The following BLNK variants were observed in gnomAD, a reference collection of about 807,000 sequenced individuals.
The protein encoded by BLNK is B cell linker, also known as B-cell linker protein.
In BLNK, 29 loss-of-function variants were observed where a neutral mutation model predicts 73.5. The ratio of observed to expected loss-of-function variants is 0.39; its 90% confidence interval spans 0.29 to 0.54. The LOEUF (loss-of-function observed/expected upper bound fraction) is 0.54, where lower values mean the gene tolerates loss of function less well. Among genes scored for constraint, BLNK ranks in the 20% least tolerant of loss-of-function variants. The probability of loss-of-function intolerance (pLI) is 0.61; values close to 1 mark genes in which losing one functional copy is unlikely to be tolerated. For synonymous variants in BLNK, 176 were observed against 200.8 expected (o/e 0.88, Z 1.04); for missense variants, 460 against 562.8 (o/e 0.82, Z 1.85).
rs3841593 is a variant in BLNK at position 96,227,140 on chromosome 10, GTTGTTTGT to G, written c.361+262_361+269del. ...ACAACCATCAGGGTATGCTGGGTTT[GTTGTTTGT>G]TTGTTTGTTTGTTTGTTTGTTTATG... On this transcript the variant is annotated intron_variant, in intron 5 of 16. Coordinates refer to ENST00000224337, the MANE Select transcript of BLNK (RefSeq NM_013314.4). 5.8e-4 allele frequency among the ~76,000 whole-genome samples: 88 copies of G among 151,210 alleles called. 1 individual carries two copies. The highest frequency in any genetic ancestry group is 1.3e-3 in the African/African-American group (54 of 41,158).
Position 96,247,062 on chromosome 10 carries a change from A to G in BLNK, c.48-13T>C, listed in dbSNP as rs782719412. On this transcript the variant is annotated splice_polypyrimidine_tract_variant and intron_variant, in intron 1 of 16. Coordinates refer to ENST00000224337, the MANE Select transcript of BLNK (RefSeq NM_013314.4). Reference sequence around the variant, plus strand: ...CTTTTGAAGCTGCCTGTAAAAAACAAAATTAAACATAAGATATTAATAACC... The same window carrying G: ...CTTTTGAAGCTGCCTGTAAAAAACAGAATTAAACATAAGATATTAATAACC... 1.9e-6 allele frequency: 3 copies of G among 1,575,084 alleles called. No individual in the cohort carries two copies. The highest frequency in any genetic ancestry group is 4.5e-5 in the East Asian group (2 of 44,572).
Position 96,189,697 on chromosome 10 carries a change from A to G in BLNK, c.*2276T>C. The stretch of plus-strand genomic sequence containing the variant: ...TTTTTCTTCAGTTTCCTCATCATCA[A>G]AATCATCATCATCATCATCATCATC... On this transcript the variant is annotated 3_prime_UTR_variant, in exon 17 of 17. Coordinates refer to ENST00000224337, the MANE Select transcript of BLNK (RefSeq NM_013314.4). The G allele has an allele frequency of 1.6e-6, 1 of 630,706 alleles. No individual in the cohort carries two copies. The highest frequency in any genetic ancestry group is 1.5e-5 in the South Asian group (1 of 67,888). The allele number at this position is 630,706 out of a possible 1,614,324, so 39.1% of individuals were successfully genotyped here.
At position 96,192,100 on chromosome 10, in the gene BLNK, A is replaced by T. The variant is rs782806042; in HGVS notation, c.1252-8T>A. ...AGCAACACTTCCAAAGTACTAGAGGAAGAAAACATAGATGAATTATACTTT... is the reference window on the plus strand; with the variant it reads ...AGCAACACTTCCAAAGTACTAGAGGTAGAAAACATAGATGAATTATACTTT... On this transcript the variant is annotated splice_polypyrimidine_tract_variant and splice_region_variant and intron_variant, in intron 16 of 16. Coordinates refer to ENST00000224337, the MANE Select transcript of BLNK (RefSeq NM_013314.4). 1.9e-6 allele frequency: 3 copies of T among 1,613,472 alleles called. No homozygotes were observed. In the South Asian group the frequency reaches 3.3e-5, roughly 18 times the overall value.
intron 2 of BLNK, among the ~76,000 whole-genome samples, chr10:96,245,831 TAC>T (rs1843024541): frequency 6.6e-6 from 1 of 152,210 alleles, no homozygotes; most frequent in South Asian, 2.1e-4. Flanking sequence ...TACATACTTA[TAC>T]ACACATACAT....
Position 96,204,096 on chromosome 10 carries a change from A to G in BLNK, c.903-8T>C. On this transcript the variant is annotated splice_polypyrimidine_tract_variant and splice_region_variant and intron_variant, in intron 12 of 16. Coordinates refer to ENST00000224337, the MANE Select transcript of BLNK (RefSeq NM_013314.4). Reference sequence around the variant, plus strand: ...GGTTTTTGGTGGATTTGTCTGCAAGAAAGAATTTCAGATAATTAAAGGACA... The same window carrying G: ...GGTTTTTGGTGGATTTGTCTGCAAGGAAGAATTTCAGATAATTAAAGGACA... 1 of 1,613,834 alleles carries G rather than the reference A, an allele frequency of 6.2e-7. No homozygotes were observed. Among genetic ancestry groups the G allele is most frequent in the Non-Finnish European group, 8.5e-7 (1 of 1,179,754 alleles).
intron 8 of BLNK, among the ~76,000 whole-genome samples, chr10:96,212,887 C>T (rs1377673586): frequency 6.6e-6 from 1 of 152,228 alleles, no homozygotes; most frequent in East Asian, 1.9e-4. Context: ...GAAACCCACT[C>T]GGACTGTTTA....
intron 8 of BLNK, among the ~76,000 whole-genome samples, chr10:96,212,871 C>T (rs979644692): frequency 1.1e-4 from 16 of 152,228 alleles, no homozygotes; most frequent in Non-Finnish European, 2.1e-4. Flanking sequence ...ACTGTTTGCA[C>T]ACTCGGAAAC....
chr10:96,216,826 G>T, intron 6 of BLNK, 92 bp from the exon 7 acceptor site: 2 of 1,055,716 alleles, frequency 1.9e-6, no homozygotes, highest in Non-Finnish European at 1.5e-6. Flanking sequence ...GCATTATTGA[G>T]ACGCAATTCA....
chr10:96,266,418 A>C (rs1010563281), intron 1 of BLNK, among the ~76,000 whole-genome samples: 4 of 152,256 alleles, frequency 2.6e-5, no homozygotes, highest in African/African-American at 2.4e-5. Context: ...TTCCTCGGAC[A>C]TGTGGACTCT....
intron 9 of BLNK, among the ~76,000 whole-genome samples, chr10:96,208,940 T>C (rs1432451217): frequency 2.6e-5 from 4 of 152,236 alleles, no homozygotes; most frequent in Non-Finnish European, 4.4e-5. Flanking sequence ...TTCTTTGGTT[T>C]ACACAGAGAC....
chr10:96,200,528 T>C lies in BLNK; in HGVS notation c.1012-370A>G, dbSNP rs1352776283. Among the ~76,000 whole-genome samples, 1 of 152,252 alleles carries C rather than the reference T, an allele frequency of 6.6e-6. No individual in the cohort carries two copies. Among genetic ancestry groups the C allele is most frequent in the Non-Finnish European group, 1.5e-5 (1 of 68,042 alleles). On this transcript the variant is annotated intron_variant, in intron 14 of 16. Transcript: ENST00000224337. The surrounding 1 kb of genome is among the most constrained non-coding windows in gnomAD (Gnocchi z 4.3). The stretch of plus-strand genomic sequence containing the variant: ...TTGCAAGAAAGGATATATGCCTTCT[T>C]TGAAGGCAAGAAGGACACATGCTAT...
chr10:96,200,029 TA>T lies in BLNK; in HGVS notation c.1095+45del. ...ACTGCATCATCTCAAAACAAATAAA[TA>T]AAATAAAATAAAATAAAAATAATAA... On this transcript the variant is annotated intron_variant, in intron 15 of 16. Transcript: ENST00000224337. The surrounding 1 kb of genome is among the most constrained non-coding windows in gnomAD (Gnocchi z 4.3). The T allele has an allele frequency of 2.4e-6, 3 of 1,261,066 alleles. No homozygotes were observed. The highest frequency in any genetic ancestry group is 2.1e-6 in the Non-Finnish European group (2 of 970,700). 78.1% of individuals were successfully genotyped at this position (1,261,066 alleles called of 1,614,324 possible).
chr10:96,217,073 C>T (rs782740081), intron 6 of BLNK, among the ~76,000 whole-genome samples: 5 of 152,206 alleles, frequency 3.3e-5, no homozygotes, highest in African/African-American at 4.8e-5. Flanking sequence ...ATCACACAAT[C>T]TGTAGTCTTT....
At chr10:96,217,727 C>T (rs2084101609) in intron 6 of BLNK, among the ~76,000 whole-genome samples, 1 of 152,122 alleles carries the variant, frequency 6.6e-6, no homozygotes. Context: ...ATACAATTTA[C>T]AAAACTTTTC....
intron 3 of BLNK, 60 bp downstream of exon 3, chr10:96,242,675 A>G: frequency 6.8e-7 from 1 of 1,465,978 alleles, no homozygotes; most frequent in South Asian, 1.1e-5. Flanking sequence ...ATAAGCCTAA[A>G]TGTAAATATG....
chr10:96,218,475 A>G (rs587634675), intron 6 of BLNK, among the ~76,000 whole-genome samples: 1 of 152,250 alleles, frequency 6.6e-6, no homozygotes, highest in South Asian at 2.1e-4. Flanking sequence ...TGGATAGATA[A>G]GAGTCCAGGA....
Position 96,189,799 on chromosome 10 carries a change from C to T in BLNK, c.*2174G>A, listed in dbSNP as rs2083300764. On this transcript the variant is annotated 3_prime_UTR_variant, in exon 17 of 17. Transcript: ENST00000224337. ...TGCTACCACCTCCAGGGACAGATCA[C>T]TTTCCAGATATCCTTAAGAGTTTCA... 2.0e-6 allele frequency: 2 copies of T among 1,023,314 alleles called. No homozygotes were observed. 63.4% of individuals were successfully genotyped at this position (1,023,314 alleles called of 1,614,324 possible).
chr10:96,215,430 T>C (rs782465114), intron 7 of BLNK, 41 bp from the exon 8 acceptor site: 47 of 1,247,248 alleles, frequency 3.8e-5, no homozygotes, highest in Non-Finnish European at 4.5e-5. Context: ...TATATATATA[T>C]ACATAAAACC....
intron 11 of BLNK, among the ~76,000 whole-genome samples, chr10:96,206,696 C>T (rs1347520368): frequency 6.6e-6 from 1 of 152,106 alleles, no homozygotes; most frequent in East Asian, 1.9e-4. Context: ...TTTAAGTAAG[C>T]TATTAGTTCT....
Sources: gnomAD v4.1 joint callset for allele counts (sites outside exome capture counted in the v4.1 genomes callset) on GRCh38, gnomAD v4.1.1 for gene constraint, Gnocchi (gnomAD v3.1) non-coding constraint, MANE v1.5 for transcripts, NCBI Gene and HGNC (gene_info 2026-07-23, HGNC 2026-07-21) for gene names.